ADGRL2: variants seen among roughly 807,000 people sequenced by gnomAD.
ADGRL2 encodes the protein calcium-independent alpha-latrotoxin receptor 2.
A neutral mutation model predicts 157.4 loss-of-function variants in ADGRL2; 44 were observed. The ratio of observed to expected loss-of-function variants is 0.28; its 90% CI spans 0.22 to 0.36. The LOEUF is 0.36. Among genes scored for constraint, ADGRL2 ranks in the 10% least tolerant of loss-of-function variants. The pLI is 1.00. For synonymous variants in ADGRL2, 585 were observed against 624.7 expected (o/e 0.94, Z 0.95); for missense variants, 1,510 against 1,768.9 (o/e 0.85, Z 2.63).
chr1:81,857,006 A>G (rs192835913), intron 2 of ADGRL2, among the ~76,000 whole-genome samples: 1 of 152,330 alleles, frequency 6.6e-6, no homozygotes, highest in African/African-American at 2.4e-5. Flanking sequence ...ATTTAAATCT[A>G]AAAACAATGA....
chr1:81,337,266 C>T (rs1469986962), intron 1 of ADGRL2, among the ~76,000 whole-genome samples: 1 of 152,176 alleles, frequency 6.6e-6, no homozygotes, highest in Non-Finnish European at 1.5e-5. Context: ...AGCTGTTAAA[C>T]GCGTAAGACA....
chr1:81,834,219 A>G (rs1409655787), intron 1 of ADGRL2, among the ~76,000 whole-genome samples: 1 of 152,170 alleles, frequency 6.6e-6, no homozygotes, highest in Non-Finnish European at 1.5e-5. Flanking sequence ...ATGTTCTTGG[A>G]AAAAGGTTTT....
chr1:81,551,419 A>T (rs1443153312), intron 2 of ADGRL2, among the ~76,000 whole-genome samples: 1 of 152,216 alleles, frequency 6.6e-6, no homozygotes, highest in Admixed American at 6.5e-5. Context: ...AAGATCAAAG[A>T]TGGATTCTGA....
At chr1:81,353,509 T>C (rs1254620114) in intron 1 of ADGRL2, among the ~76,000 whole-genome samples, 1 of 152,014 alleles carries the variant, frequency 6.6e-6, no homozygotes, top group African/African-American at 2.4e-5. Context: ...CAAATGAGAA[T>C]TTCAGGGATG....
intron 1 of ADGRL2, among the ~76,000 whole-genome samples, chr1:81,324,946 G>T (rs1019463874): frequency 6.6e-6 from 1 of 151,914 alleles, no homozygotes; most frequent in Admixed American, 6.6e-5. Flanking sequence ...CGAACTCCTG[G>T]CCTCAGGTGA....
chr1:81,555,231 TGAGAGC>T (rs1186809186), intron 2 of ADGRL2, among the ~76,000 whole-genome samples: 2 of 151,332 alleles, frequency 1.3e-5, no homozygotes, highest in African/African-American at 2.4e-5. Context: ...CCTCACCCAG[TGAGAGC>T]CAAATAATGC....
intron 1 of ADGRL2, among the ~76,000 whole-genome samples, chr1:81,346,222 G>A (rs1239257986): frequency 6.6e-6 from 1 of 152,104 alleles, no homozygotes; most frequent in African/African-American, 2.4e-5. Context: ...CAAAATATTT[G>A]CAAAATGAAA....
chr1:81,977,057 G>C (rs150231023), intron 17 of ADGRL2, among the ~76,000 whole-genome samples: 22 of 151,812 alleles, frequency 1.4e-4, no homozygotes, highest in African/African-American at 5.3e-4. Context: ...ATTTTATATG[G>C]GAAGTCTGTG....
At chr1:81,700,398 C>G (rs555814955) in intron 1 of ADGRL2, among the ~76,000 whole-genome samples, 3 of 152,316 alleles carry the variant, frequency 2.0e-5, no homozygotes, top group African/African-American at 7.2e-5. Context: ...TTAATCGAAT[C>G]TAGCAGTCAT....
intron 1 of ADGRL2, among the ~76,000 whole-genome samples, chr1:81,761,412 A>G (rs1266521701): frequency 5.9e-5 from 9 of 151,968 alleles, no homozygotes; most frequent in Admixed American, 5.9e-4. Context: ...GATCAATATT[A>G]ATAGCATTAA....
At chr1:81,968,258 T>C (rs1438633543) in intron 14 of ADGRL2, 59 bp downstream of exon 14, 1 of 1,392,674 alleles carries the variant, frequency 7.2e-7, no homozygotes, top group Non-Finnish European at 1.0e-6. Flanking sequence ...CAAAACAGCT[T>C]GTATAATAGT....
intron 1 of ADGRL2, among the ~76,000 whole-genome samples, chr1:81,422,492 G>A (rs1281513083): frequency 3.3e-5 from 5 of 152,300 alleles, no homozygotes; most frequent in East Asian, 1.9e-4. Flanking sequence ...TGATCCACCC[G>A]CCTCGGCCTC....
chr1:81,343,050 A>C (rs1221035256), intron 1 of ADGRL2, among the ~76,000 whole-genome samples: 4 of 151,278 alleles, frequency 2.6e-5, no homozygotes, highest in Non-Finnish European at 4.4e-5. Flanking sequence ...ATTATACAAC[A>C]ATCTTTCTCT....
chr1:81,332,017 A>G (rs1256959101), intron 1 of ADGRL2, among the ~76,000 whole-genome samples: 1 of 152,168 alleles, frequency 6.6e-6, no homozygotes, highest in Non-Finnish European at 1.5e-5. Context: ...TACACACAAC[A>G]ACACAAACTC....
At chr1:81,691,411 G>C (rs1296756679) in intron 3 of ADGRL2, among the ~76,000 whole-genome samples, 1 of 151,702 alleles carries the variant, frequency 6.6e-6, no homozygotes, top group African/African-American at 2.4e-5. Flanking sequence ...CTACTTTGTA[G>C]AAAAGAAATA....
At chr1:81,348,821 CA>C (rs1401955980) in intron 1 of ADGRL2, among the ~76,000 whole-genome samples, 2 of 152,126 alleles carry the variant, frequency 1.3e-5, no homozygotes, top group Non-Finnish European at 2.9e-5. Flanking sequence ...TTATATAAAC[CA>C]ACCATCTGAG....
chr1:81,905,944 C>CAG (rs1433754974), intron 2 of ADGRL2, among the ~76,000 whole-genome samples: 105 of 124,536 alleles, frequency 8.4e-4, no homozygotes, highest in African/African-American at 3.5e-3. Context: ...GAGAAAAAAG[C>CAG]AGAGTGTGTG....
At chr1:81,902,839 T>C (rs2094512165) in intron 2 of ADGRL2, among the ~76,000 whole-genome samples, 1 of 152,232 alleles carries the variant, frequency 6.6e-6, no homozygotes, top group Admixed American at 6.5e-5. Context: ...TGTTTTCCTG[T>C]GATTTGTGTG....
At chr1:81,866,381 C>CT (rs1185182067) in intron 2 of ADGRL2, among the ~76,000 whole-genome samples, 1 of 152,110 alleles carries the variant, frequency 6.6e-6, no homozygotes, top group Non-Finnish European at 1.5e-5. Flanking sequence ...ACTATAAACT[C>CT]TATGTATAAA....
Sources: gnomAD v4.1 joint callset for allele counts (sites outside exome capture counted in the v4.1 genomes callset) on GRCh38, gnomAD v4.1.1 for gene constraint, MANE v1.5 for transcripts, NCBI Gene and HGNC (gene_info 2026-07-23, HGNC 2026-07-21) for gene names.